MLXIP: variants seen among roughly 807,000 people sequenced by gnomAD.
MLXIP encodes MLX interacting protein.
A neutral mutation model predicts 87.2 loss-of-function variants in MLXIP; 30 were observed. The ratio of observed to expected loss-of-function variants is 0.34; its 90% CI spans 0.26 to 0.47. The LOEUF (loss-of-function observed/expected upper bound fraction) is 0.47. Ranked by LOEUF, MLXIP falls within the 20% of genes least tolerant of loss-of-function variation. The probability of loss-of-function intolerance (pLI) is 1.00; values close to 1 mark genes in which losing one functional copy is unlikely to be tolerated. For synonymous variants in MLXIP, 530 were observed against 514.0 expected (o/e 1.03, Z -0.42); for missense variants, 1,002 against 1,240.1 (o/e 0.81, Z 2.88).
At chr12:122,091,339 G>A (rs577285397) in intron 1 of MLXIP, among the ~76,000 whole-genome samples, 2 of 152,216 alleles carry the variant, frequency 1.3e-5, no homozygotes, top group East Asian at 1.9e-4. Context: ...TGAAGATGAC[G>A]TGGGAATTGG....
At position 122,135,059 on chromosome 12, in the gene MLXIP, T is replaced by G; in HGVS notation, c.1733-165T>G. 1.3e-6 allele frequency: 1 copy of G among 756,002 alleles called. No individual in the cohort carries two copies. Among genetic ancestry groups the G allele is most frequent in the Non-Finnish European group, 2.2e-6 (1 of 445,620 alleles). The allele number at this position is 756,002 out of a possible 1,614,324, so 46.8% of individuals were successfully genotyped here. A position where few individuals can be genotyped will look rare whatever the true frequency, so the allele number is the denominator to read the frequency against. On this transcript the variant is annotated intron_variant, in intron 9 of 16. Transcript: ENST00000319080. The surrounding 1 kb of genome is among the most constrained non-coding windows in gnomAD (Gnocchi z 5.3). ...CTCTTTCCTGGGTCTATAACATGTC[T>G]CCTTCAAGAAGTCACACAAATGGTT... is the stretch of plus-strand genomic sequence containing the variant.
intron 1 of MLXIP, among the ~76,000 whole-genome samples, chr12:122,102,017 T>C (rs571598554): frequency 1.9e-4 from 29 of 152,360 alleles, no homozygotes; most frequent in African/African-American, 6.7e-4. Flanking sequence ...TTTATAGCTC[T>C]TCTCATTATA....
At chr12:122,091,379 A>ATCAC (rs1214494532) in intron 1 of MLXIP, among the ~76,000 whole-genome samples, 1 of 152,090 alleles carries the variant, frequency 6.6e-6, no homozygotes, top group African/African-American at 2.4e-5. Flanking sequence ...AGCTTGCCAA[A>ATCAC]TCACTCTCTG....
chr12:122,134,120 T>A, intron 9 of MLXIP, 133 bp downstream of exon 9: 3 of 1,049,486 alleles, frequency 2.9e-6, no homozygotes, highest in Non-Finnish European at 4.0e-6. Context: ...CACATACACT[T>A]AAATGAAACA....
intron 1 of MLXIP, among the ~76,000 whole-genome samples, chr12:122,105,391 A>G (rs1246055126): frequency 6.6e-6 from 1 of 151,248 alleles, no homozygotes; most frequent in Admixed American, 6.6e-5. Flanking sequence ...CTTGTTGCCC[A>G]GGCTGGAGTG....
intron 15 of MLXIP, 180 bp downstream of exon 15, chr12:122,139,118 C>A: frequency 5.8e-6 from 3 of 519,766 alleles, no homozygotes; most frequent in African/African-American, 2.1e-5. Flanking sequence ...GCTGTGTGGG[C>A]TGGAGGTGCT....
At chr12:122,126,046 A>T (rs4075625) in intron 1 of MLXIP, among the ~76,000 whole-genome samples, 30,851 of 152,118 alleles carry the variant, frequency 0.2, 3,244 homozygotes, top group East Asian at 0.26. Flanking sequence ...TGGTCAGATC[A>T]AACCTCCACA....
chr12:122,087,103 G>A (rs1485464820), intron 1 of MLXIP, among the ~76,000 whole-genome samples: 2 of 152,134 alleles, frequency 1.3e-5, no homozygotes, highest in Non-Finnish European at 2.9e-5. Flanking sequence ...GCCCCATGAG[G>A]GCTAATTGAG....
chr12:122,141,239 G>A (rs984812123), intron 16 of MLXIP, 156 bp downstream of exon 16: 8 of 651,468 alleles, frequency 1.2e-5, no homozygotes, highest in African/African-American at 3.9e-5. Context: ...AGTCAGGAGC[G>A]CCCAGTGGGG....
chr12:122,091,704 CTGTT>C (rs1593063186), intron 1 of MLXIP, among the ~76,000 whole-genome samples: 2 of 152,182 alleles, frequency 1.3e-5, no homozygotes, highest in African/African-American at 2.4e-5. Flanking sequence ...GGAGAAATCT[CTGTT>C]TGTTATGAAA....
intron 1 of MLXIP, among the ~76,000 whole-genome samples, chr12:122,092,025 A>G (rs1203233988): frequency 6.6e-6 from 1 of 152,240 alleles, no homozygotes. Flanking sequence ...TGTTTGCCAC[A>G]GAACGGCTCT....
chr12:122,127,387 C>A, intron 2 of MLXIP, 25 bp downstream of exon 2: 1 of 1,551,982 alleles, frequency 6.4e-7, no homozygotes, highest in Non-Finnish European at 8.8e-7. Flanking sequence ...GCCTGGGCGC[C>A]GGTGGTGGTC....
At chr12:122,093,918 G>T (rs1356433915) in intron 1 of MLXIP, among the ~76,000 whole-genome samples, 5 of 128,226 alleles carry the variant, frequency 3.9e-5, no homozygotes, top group African/African-American at 1.4e-4. Flanking sequence ...GTGTGTTTGC[G>T]GTGTCTGGTG....
rs1555227866 is a variant in MLXIP at position 122,097,853 on chromosome 12, C to CCG, written c.413+18588_413+18589insGC. On this transcript the variant is annotated intron_variant, in intron 1 of 16. Transcript: ENST00000319080. ...GTTTTGGAATCCATGGGTTCCCCCT[C>CCG]CCCACAAGAAACCTTGGCAGAAGGC... 3.3e-5 allele frequency among the ~76,000 whole-genome samples: 5 copies of CCG among 151,824 alleles called. No homozygotes were observed. The East Asian group carries it at 7.7e-4, about 23-fold the overall frequency.
intron 15 of MLXIP, among the ~76,000 whole-genome samples, chr12:122,139,753 G>GCCTCCACCTTC (rs1049960020): frequency 6.6e-5 from 10 of 152,192 alleles, no homozygotes; most frequent in African/African-American, 2.2e-4. Flanking sequence ...GTTCACTGCA[G>GCCTCCACCTTC]CCTCCACCTT....
intron 1 of MLXIP, among the ~76,000 whole-genome samples, chr12:122,105,882 A>T (rs2135934079): frequency 6.6e-6 from 1 of 151,418 alleles, no homozygotes; most frequent in South Asian, 2.1e-4. Flanking sequence ...TTAGAACCTG[A>T]TGTGACAAAT....
chr12:122,135,259 A>C lies in MLXIP; in HGVS notation c.1768A>C (p.Thr590Pro). 1 of 1,613,586 alleles carries C rather than the reference A, an allele frequency of 6.2e-7. No individual in the cohort carries two copies. The highest frequency in any genetic ancestry group is 8.5e-7 in the Non-Finnish European group (1 of 1,179,858). ...AGGCCAACCACAAGCGGTGATCATG[A>C]CGTCAGGGCCTCTGAAGAGAGAAGG... ...FSGQPQAVIM[T>P]SGPLKREGML... Residue 590 changes from threonine to proline, a missense_variant, in exon 10 of 17, where the codon ACG becomes CCG. Physicochemically the swap from Thr to Pro is conservative, Grantham distance 38 (BLOSUM62 -1). This residue lies in a region of MLXIP where 746 missense variants were observed against 897.0 expected (regional missense o/e 0.83). Coordinates refer to ENST00000319080, the MANE Select transcript of MLXIP (RefSeq NM_014938.6). This position sits in a 1 kb window ranked among gnomAD's most constrained non-coding sequence, Gnocchi z 5.3.
At chr12:122,130,449 G>C (rs564925243) in intron 6 of MLXIP, among the ~76,000 whole-genome samples, 1 of 151,600 alleles carries the variant, frequency 6.6e-6, no homozygotes, top group Non-Finnish European at 1.5e-5. Flanking sequence ...AGGCGGCCGG[G>C]CCGTGACTCA....
At chr12:122,111,808 G>A (rs924364533) in intron 1 of MLXIP, among the ~76,000 whole-genome samples, 2 of 152,132 alleles carry the variant, frequency 1.3e-5, no homozygotes, top group Admixed American at 6.6e-5. Flanking sequence ...AGATAGCTTT[G>A]GATTTCTCTT....
Sources: gnomAD v4.1 joint callset for allele counts (sites outside exome capture counted in the v4.1 genomes callset) on GRCh38, gnomAD v4.1.1 for gene constraint, gnomAD v4.1.1 regional missense constraint, Gnocchi (gnomAD v3.1) non-coding constraint, MANE v1.5 for transcripts, NCBI Gene and HGNC (gene_info 2026-07-23, HGNC 2026-07-21) for gene names.